Variants in TUT4 observed in about 807,000 individuals in gnomAD.
TUT4 encodes the protein terminal uridylyl transferase 4.
A neutral mutation model predicts 192.2 loss-of-function variants in TUT4; 36 were observed. The ratio of observed to expected loss-of-function variants is 0.19; its 90% CI spans 0.14 to 0.25. The LOEUF is 0.25. Ranked by LOEUF, TUT4 falls within the 10% of genes least tolerant of loss-of-function variation. The probability of loss-of-function intolerance (pLI) is 1.00; values close to 1 mark genes in which losing one functional copy is unlikely to be tolerated. For missense variants in TUT4, 1,493 were observed against 1,957.2 expected (o/e 0.76, Z 4.47); for synonymous variants, 618 against 666.0 (o/e 0.93, Z 1.11).
chr1:52,438,685 A>G (rs1395881711), intron 24 of TUT4, among the ~76,000 whole-genome samples: 2 of 152,244 alleles, frequency 1.3e-5, no homozygotes, highest in Non-Finnish European at 2.9e-5. Context: ...TAAGTCTCAC[A>G]TAAAAGATGT....
At chr1:52,444,220 G>A (rs564840753) in intron 24 of TUT4, among the ~76,000 whole-genome samples, 2 of 152,188 alleles carry the variant, frequency 1.3e-5, no homozygotes, top group African/African-American at 4.8e-5. Context: ...GTGACAGAGC[G>A]AGACTCCGTC....
intron 5 of TUT4, 150 bp downstream of exon 5, chr1:52,496,856 T>C: frequency 1.3e-6 from 1 of 752,600 alleles, no homozygotes; most frequent in South Asian, 2.2e-5. Context: ...GTGTGAAATA[T>C]TTCCCTCAAA....
chr1:52,464,860 G>C (rs1479738538), intron 16 of TUT4: 3 of 404,556 alleles, frequency 7.4e-6, no homozygotes, highest in South Asian at 7.6e-5. Flanking sequence ...CATGGTTTTT[G>C]TATCATAAAA....
chr1:52,497,224 T>G, intron 4 of TUT4, 41 bp from the exon 5 acceptor site: 3 of 1,516,428 alleles, frequency 2.0e-6, no homozygotes, highest in Non-Finnish European at 2.6e-6. Flanking sequence ...ACAAAAAAAG[T>G]TTCTATTTTA....
intron 19 of TUT4, among the ~76,000 whole-genome samples, chr1:52,460,070 G>A (rs1195947429): frequency 6.6e-6 from 1 of 152,134 alleles, no homozygotes; most frequent in Non-Finnish European, 1.5e-5. Flanking sequence ...TAACAAAACT[G>A]TCATGTTAGA....
intron 11 of TUT4, among the ~76,000 whole-genome samples, chr1:52,478,871 G>A (rs371552928): frequency 6.6e-6 from 1 of 152,098 alleles, no homozygotes; most frequent in Non-Finnish European, 1.5e-5. Flanking sequence ...CCAGGCACTC[G>A]GGATACATCT....
intron 1 of TUT4, among the ~76,000 whole-genome samples, chr1:52,533,705 C>T (rs984484108): frequency 3.3e-5 from 5 of 152,102 alleles, no homozygotes; most frequent in African/African-American, 9.7e-5. Context: ...CAGTGGCTCA[C>T]GGCTGTAATC....
At chr1:52,544,451 T>C (rs1687553836) in intron 1 of TUT4, among the ~76,000 whole-genome samples, 1 of 152,202 alleles carries the variant, frequency 6.6e-6, no homozygotes, top group Non-Finnish European at 1.5e-5. Context: ...GGACAGTCTT[T>C]TCAGCAAATG....
intron 1 of TUT4, chr1:52,529,842 C>A (rs1045221470): frequency 2.0e-5 from 3 of 152,062 alleles, no homozygotes; most frequent in Non-Finnish European, 4.4e-5. Context: ...TAATCTTTTT[C>A]TTCTTCTTCT....
intron 1 of TUT4, chr1:52,538,718 T>C (rs1159074551): frequency 6.9e-6 from 1 of 144,690 alleles, no homozygotes; most frequent in East Asian, 2.0e-4. Flanking sequence ...ACATGAATGA[T>C]CAAAGAATCC....
intron 4 of TUT4, among the ~76,000 whole-genome samples, chr1:52,502,144 CAA>C (rs71656358): frequency 1.1e-4 from 14 of 129,216 alleles, no homozygotes; most frequent in South Asian, 9.7e-4. Flanking sequence ...AAAAAAATTT[CAA>C]AAAAAAAAAA....
intron 28 of TUT4, among the ~76,000 whole-genome samples, chr1:52,428,094 C>A (rs542760203): frequency 6.6e-6 from 1 of 152,246 alleles, no homozygotes; most frequent in South Asian, 2.1e-4. Context: ...AAAACAGAAG[C>A]AGCAACTGTT....
chr1:52,505,900 G>A (rs1675415801), intron 4 of TUT4, among the ~76,000 whole-genome samples: 2 of 151,952 alleles, frequency 1.3e-5, no homozygotes, highest in South Asian at 2.1e-4. Flanking sequence ...GCAGTGGCAC[G>A]ATCTGAGCTT....
chr1:52,533,586 G>A (rs571125871), intron 1 of TUT4, among the ~76,000 whole-genome samples: 10 of 152,040 alleles, frequency 6.6e-5, no homozygotes, highest in African/African-American at 2.2e-4. Context: ...ATTCCCTTAC[G>A]CTCTCTCATG....
intron 3 of TUT4, among the ~76,000 whole-genome samples, chr1:52,513,387 C>A: frequency 1.1e-5 from 1 of 90,584 alleles, no homozygotes; most frequent in Non-Finnish European, 1.8e-5. Context: ...GAATGAGACC[C>A]TGTCTCAAAA....
intron 13 of TUT4, among the ~76,000 whole-genome samples, chr1:52,473,078 T>C (rs1666201641): frequency 6.6e-6 from 1 of 152,112 alleles, no homozygotes; most frequent in Non-Finnish European, 1.5e-5. Context: ...ACAACAGTAC[T>C]TACCCTAAGT....
Position 52,436,813 on chromosome 1 carries a change from A to C in TUT4, c.4104T>G (p.His1368Gln). The C allele has an allele frequency of 6.2e-7, 1 of 1,612,964 alleles. No individual in the cohort carries two copies. The highest frequency in any genetic ancestry group is 8.5e-7 in the Non-Finnish European group (1 of 1,179,942). ...LRCFICGDAG[H>Q]VRRECPEVKL... is the part of the protein sequence containing the mutation. ...TGACCTCTGGGCACTCCCTTCGTAC[A>C]TGTCCAGCATCTCCACATATAAAAC... Residue 1368 changes from histidine (H) to glutamine (Q), a missense_variant, in exon 26 of 30, where the codon CAT (histidine) becomes CAG (glutamine). His to Gln is a conservative substitution (Grantham distance 24). Around this residue, in one of 7 missense-constraint regions of TUT4, gnomAD observed 351 missense variants for 397.8 expected, o/e 0.88. Transcript: ENST00000257177.
At chr1:52,547,941 TTATAAA>T (rs1259919354) in intron 1 of TUT4, among the ~76,000 whole-genome samples, 4 of 152,330 alleles carry the variant, frequency 2.6e-5, no homozygotes, top group African/African-American at 9.6e-5. Flanking sequence ...TTACACAACC[TTATAAA>T]TATACTAAAA....
At chr1:52,549,222 A>G (rs1688808254) in intron 1 of TUT4, among the ~76,000 whole-genome samples, 1 of 152,180 alleles carries the variant, frequency 6.6e-6, no homozygotes, top group Non-Finnish European at 1.5e-5. Flanking sequence ...CTCAACCACT[A>G]TCTCACTTGG....
Sources: allele counts gnomAD v4.1 joint callset (sites outside exome capture counted in the v4.1 genomes callset), GRCh38; gene constraint gnomAD v4.1.1; regional missense constraint gnomAD v4.1.1; transcripts MANE v1.5; gene names NCBI Gene and HGNC (gene_info 2026-07-23, HGNC 2026-07-21).